The following LRRC3B variants were observed in gnomAD, a reference collection of about 807,000 sequenced individuals.
LRRC3B encodes leucine-rich repeat-containing protein 3B.
A neutral mutation model predicts 12.8 loss-of-function variants in LRRC3B; 2 were observed. The observed-to-expected ratio is 0.16, with a 90% CI of 0.06 to 0.49. The LOEUF is 0.49. Ranked by LOEUF, LRRC3B falls within the 20% of genes least tolerant of loss-of-function variation. The probability of loss-of-function intolerance (pLI) is 0.96; values close to 1 mark genes in which losing one functional copy is unlikely to be tolerated. For synonymous variants in LRRC3B, 132 were observed against 122.0 expected, an observed-to-expected ratio of 1.08 and a Z score of -0.54; for missense variants, 189 against 319.4, an observed-to-expected ratio of 0.59 and a Z score of 3.11.
intron 1 of LRRC3B, among the ~76,000 whole-genome samples, chr3:26,688,712 T>C (rs1006405537): frequency 4.0e-5 from 6 of 151,800 alleles, no homozygotes; most frequent in Admixed American, 3.9e-4. Flanking sequence ...CGAAAGATCC[T>C]CCCCCGTGTT....
At chr3:26,658,928 A>G (rs1402981865) in intron 1 of LRRC3B, among the ~76,000 whole-genome samples, 2 of 152,256 alleles carry the variant, frequency 1.3e-5, no homozygotes, top group African/African-American at 4.8e-5. Context: ...GGACAGCTGT[A>G]TGCGGATCTG....
At chr3:26,685,677 C>T (rs972512403) in intron 1 of LRRC3B, among the ~76,000 whole-genome samples, 1 of 144,588 alleles carries the variant, frequency 6.9e-6, no homozygotes, top group Non-Finnish European at 1.5e-5. Context: ...TATTTTATGA[C>T]TATACCTTAA....
chr3:26,703,325 A>AAAAT (rs1700505042), intron 1 of LRRC3B, among the ~76,000 whole-genome samples: 1 of 149,072 alleles, frequency 6.7e-6, no homozygotes, highest in African/African-American at 2.6e-5. Flanking sequence ...AGGTTTTGTG[A>AAAAT]AAATAAACAA....
At chr3:26,664,355 G>A (rs1386343841) in intron 1 of LRRC3B, among the ~76,000 whole-genome samples, 1 of 151,956 alleles carries the variant, frequency 6.6e-6, no homozygotes, top group Non-Finnish European at 1.5e-5. Context: ...CCTTTCAGGT[G>A]TCTGTCCCCC....
intron 1 of LRRC3B, among the ~76,000 whole-genome samples, chr3:26,681,068 A>C (rs1253607952): frequency 2.0e-5 from 3 of 152,226 alleles, no homozygotes; most frequent in Non-Finnish European, 4.4e-5. Context: ...GGCTTTTTAA[A>C]AAAGTAGATT....
chr3:26,675,783 T>G (rs905202889), intron 1 of LRRC3B, among the ~76,000 whole-genome samples: 1 of 152,194 alleles, frequency 6.6e-6, no homozygotes, highest in Non-Finnish European at 1.5e-5. Context: ...TAGGTTGATA[T>G]GAAACGCCTT....
chr3:26,647,399 C>T (rs1320165093), intron 1 of LRRC3B, among the ~76,000 whole-genome samples: 2 of 152,176 alleles, frequency 1.3e-5, no homozygotes, highest in Admixed American at 1.3e-4. Flanking sequence ...GCACCTGGCA[C>T]ATACTAGTTG....
At chr3:26,623,319 C>A (rs1050088719) in intron 1 of LRRC3B, 82 bp downstream of exon 1, 1 of 152,412 alleles carries the variant, frequency 6.6e-6, no homozygotes, top group African/African-American at 2.4e-5. Flanking sequence ...CTCCAAGGAA[C>A]AAGTAGAGGA....
chr3:26,648,061 C>T (rs918034432), intron 1 of LRRC3B, among the ~76,000 whole-genome samples: 27 of 151,324 alleles, frequency 1.8e-4, no homozygotes, highest in African/African-American at 6.5e-4. Context: ...ACATCTTGCC[C>T]ATGTATGGTA....
chr3:26,677,249 T>C (rs1699878906), intron 1 of LRRC3B, among the ~76,000 whole-genome samples: 1 of 152,196 alleles, frequency 6.6e-6, no homozygotes, highest in Non-Finnish European at 1.5e-5. Context: ...AGCCATGTTT[T>C]TTTCTGGAGA....
At chr3:26,656,380 C>T (rs1699373027) in intron 1 of LRRC3B, among the ~76,000 whole-genome samples, 1 of 152,104 alleles carries the variant, frequency 6.6e-6, no homozygotes, top group Non-Finnish European at 1.5e-5. Context: ...TAGGTTTGCT[C>T]CCTGTAGTCA....
intron 1 of LRRC3B, among the ~76,000 whole-genome samples, chr3:26,658,331 T>A (rs1219166639): frequency 6.6e-6 from 1 of 152,240 alleles, no homozygotes; most frequent in Non-Finnish European, 1.5e-5. Flanking sequence ...GTGCTGGGAT[T>A]ATAGGCGTGA....
chr3:26,630,229 G>C (rs1055138248), intron 1 of LRRC3B, among the ~76,000 whole-genome samples: 2 of 152,148 alleles, frequency 1.3e-5, no homozygotes, highest in African/African-American at 4.8e-5. Context: ...CAGCCAGAGG[G>C]CAAGGTCTCT....
At chr3:26,663,828 C>T (rs566686251) in intron 1 of LRRC3B, among the ~76,000 whole-genome samples, 12 of 152,224 alleles carry the variant, frequency 7.9e-5, no homozygotes, top group African/African-American at 2.2e-4. Context: ...TGGGCTCCTA[C>T]ATATTTCCTG....
intron 1 of LRRC3B, among the ~76,000 whole-genome samples, chr3:26,671,011 C>CTTTTTTT (rs762788262): frequency 1.5e-4 from 14 of 95,554 alleles, no homozygotes; most frequent in African/African-American, 2.2e-4. Context: ...TCTCATGTAT[C>CTTTTTTT]TTTTTTTTTT....
intron 1 of LRRC3B, among the ~76,000 whole-genome samples, chr3:26,644,966 A>G (rs1699111963): frequency 6.6e-6 from 1 of 152,162 alleles, no homozygotes; most frequent in Non-Finnish European, 1.5e-5. Flanking sequence ...GAAAACATAG[A>G]CCTGCAGACA....
intron 1 of LRRC3B, among the ~76,000 whole-genome samples, chr3:26,639,161 AT>A (rs1698966028): frequency 6.6e-6 from 1 of 152,178 alleles, no homozygotes; most frequent in Non-Finnish European, 1.5e-5. Flanking sequence ...GTAATTTAAA[AT>A]TTTTTTCAGT....
At chr3:26,630,818 G>T (rs1020374179) in intron 1 of LRRC3B, among the ~76,000 whole-genome samples, 9 of 152,150 alleles carry the variant, frequency 5.9e-5, no homozygotes, top group Non-Finnish European at 1.3e-4. Context: ...GCAGACAATG[G>T]TAACCATAAA....
At chr3:26,662,858 GT>G (rs1239418891) in intron 1 of LRRC3B, among the ~76,000 whole-genome samples, 2 of 152,078 alleles carry the variant, frequency 1.3e-5, no homozygotes, top group African/African-American at 4.8e-5. Context: ...CCTGAAATTG[GT>G]TTGTTTATTT....
Sources: allele counts gnomAD v4.1 joint callset (sites outside exome capture counted in the v4.1 genomes callset), GRCh38; gene constraint gnomAD v4.1.1; transcripts MANE v1.5; gene names NCBI Gene and HGNC (gene_info 2026-07-23, HGNC 2026-07-21).